Variants in MFSD1 observed in about 807,000 individuals in gnomAD.
MFSD1 encodes the protein major facilitator superfamily domain containing 1.
A neutral mutation model predicts 67.1 loss-of-function variants in MFSD1; 59 were observed. That is an observed-to-expected ratio of 0.88 (90% confidence interval 0.71 to 1.09). The LOEUF (loss-of-function observed/expected upper bound fraction) is 1.09, where lower values mean the gene tolerates loss of function less well. MFSD1 is among the 50% of genes least tolerant of loss of function. The pLI is 0.00. For synonymous variants in MFSD1, 213 were observed against 200.3 expected, an observed-to-expected ratio of 1.06 and a Z score of -0.54; for missense variants, 552 against 566.1, an observed-to-expected ratio of 0.97 and a Z score of 0.25.
chr3:158,820,771 T>C (rs1277873261), intron 9 of MFSD1, among the ~76,000 whole-genome samples: 1 of 152,108 alleles, frequency 6.6e-6, no homozygotes, highest in Non-Finnish European at 1.5e-5. Flanking sequence ...TCGTGAGAAC[T>C]CACTCACTAT....
At position 158,810,082 on chromosome 3, in the gene MFSD1, C is replaced by T. The variant is rs75498576; in HGVS notation, c.549+795C>T. Reference sequence around the variant, plus strand: ...CTTTGTTGCCCAAGCTGGAGTCCAGCAGTGCAATCTTGGCTCATGGTAGCC... The same window carrying T: ...CTTTGTTGCCCAAGCTGGAGTCCAGTAGTGCAATCTTGGCTCATGGTAGCC... On this transcript the variant is annotated intron_variant, in intron 6 of 15. Transcript: ENST00000415822. Among the ~76,000 whole-genome samples the T allele has an allele frequency of 9.2e-3, 1,401 of 152,286 alleles. 36 individuals carry two copies. Among genetic ancestry groups the T allele is most frequent in the African/African-American group, 0.032 (1,333 of 41,548 alleles).
intron 7 of MFSD1, among the ~76,000 whole-genome samples, chr3:158,815,181 C>T (rs913075225): frequency 3.9e-5 from 6 of 152,102 alleles, no homozygotes; most frequent in Admixed American, 1.3e-4. Flanking sequence ...TGACTTTTTC[C>T]GTCAGTGTGC....
At position 158,820,259 on chromosome 3, in the gene MFSD1, C is replaced by T. The variant is rs781642086; in HGVS notation, c.796C>T (p.Leu266=). 2 of 1,611,994 alleles carry T rather than the reference C, an allele frequency of 1.2e-6. No individual in the cohort carries two copies. Among genetic ancestry groups the T allele is most frequent in the Non-Finnish European group, 1.7e-6 (2 of 1,178,424 alleles). ...TGATGTAAAGGACTTCTCCTTACCC[C>T]TGTGGCTTATATTTATCATCTGTGT... The part of the protein sequence containing the change: ...LTDVKDFSLP[L]WLIFIICVCY... The change falls in exon 9 of 16, where the codon CTG becomes TTG. Residue 266 remains leucine, a synonymous_variant. Coordinates refer to ENST00000415822, the MANE Select transcript of MFSD1 (RefSeq NM_022736.4).
intron 15 of MFSD1, among the ~76,000 whole-genome samples, chr3:158,827,656 T>C (rs1731054231): frequency 6.6e-6 from 1 of 152,040 alleles, no homozygotes; most frequent in Admixed American, 6.6e-5. Context: ...GCTCAAGTGA[T>C]CTGCCTGCAT....
chr3:158,823,466 A>G lies in MFSD1; in HGVS notation c.1116A>G (p.Ala372=), dbSNP rs1404663871. 7.4e-6 allele frequency: 12 copies of G among 1,613,870 alleles called. No individual in the cohort carries two copies. The highest frequency in any genetic ancestry group is 9.3e-6 in the Non-Finnish European group (11 of 1,179,788). ...LGLSYSLLAC[A]LWPMVAFVVP... ...TCTCCTACTCATTGCTTGCCTGTGC[A>G]TTGTGGCCAATGGTGGCATTTGTAG... The change falls in exon 12 of 16, where the codon GCA becomes GCG. Residue 372 remains alanine, a synonymous_variant. Transcript: ENST00000415822.
rs754655058 is a variant in MFSD1, at chr3:158,807,020, A to G, written c.330-20A>G. ...TTTTCTTTTTCTTTTTCTCATTCTC[A>G]TTCTTTCTTTCCCAAACAGATGGGG... On this transcript the variant is annotated intron_variant, in intron 3 of 15. Coordinates refer to ENST00000415822, the MANE Select transcript of MFSD1 (RefSeq NM_022736.4). 2 of 1,598,566 alleles carry G rather than the reference A, an allele frequency of 1.3e-6. No homozygotes were observed. Among genetic ancestry groups the G allele is most frequent in the Admixed American group, 3.4e-5 (2 of 58,032 alleles).
chr3:158,824,960 AACAAGG>A (rs1730886651), intron 13 of MFSD1, among the ~76,000 whole-genome samples: 1 of 152,182 alleles, frequency 6.6e-6, no homozygotes, highest in African/African-American at 2.4e-5. Context: ...TTGTTTTAGA[AACAAGG>A]ACGTCAAGTT....
chr3:158,804,363 G>A lies in MFSD1; in HGVS notation c.208G>A (p.Val70Ile), dbSNP rs780620261. The stretch of plus-strand genomic sequence containing the variant: ...TAATCCTGCTGCCCTTCAGACTCAA[G>A]TTAAACGAGTAAGTTGATTTTTCAC... ...YDNPAALQTQ[V>I]KRDMQVNTTK... is the part of the protein sequence containing the mutation. Residue 70 changes from valine (V) to isoleucine (I), a missense_variant, in exon 2 of 16, where the codon GTT becomes ATT. By Grantham distance (29) the Val-to-Ile change is conservative (BLOSUM62 3). Coordinates refer to ENST00000415822, the MANE Select transcript of MFSD1 (RefSeq NM_022736.4). 3 of 1,610,480 alleles carry A rather than the reference G, an allele frequency of 1.9e-6. No homozygotes were observed. The highest frequency in any genetic ancestry group is 4.5e-5 in the East Asian group (2 of 44,820).
In MFSD1 at chr3:158,802,311, C is replaced by G; in HGVS notation, c.159C>G (p.Gly53=). The G allele has an allele frequency of 6.2e-6, 10 of 1,608,560 alleles. No homozygotes were observed. The highest frequency in any genetic ancestry group is 8.5e-6 in the Non-Finnish European group (10 of 1,176,632). The change falls in exon 1 of 16, where the codon GGC becomes GGG. Residue 53 remains glycine (G), a synonymous_variant. Coordinates refer to ENST00000415822, the MANE Select transcript of MFSD1 (RefSeq NM_022736.4). ...LLVLLLMCFL[G]FGSYFCYDNP... ...TGCTGTTACTGATGTGCTTCCTTGGCTTTGGTGAGCCGGCCGGGTGGGTTG... is the reference window on the plus strand; with the variant it reads ...TGCTGTTACTGATGTGCTTCCTTGGGTTTGGTGAGCCGGCCGGGTGGGTTG...
rs1559927453 is a variant in MFSD1, at chr3:158,829,563, T to C, written c.*581T>C. On this transcript the variant is annotated 3_prime_UTR_variant, in exon 16 of 16. Coordinates refer to ENST00000415822, the MANE Select transcript of MFSD1 (RefSeq NM_022736.4). The stretch of plus-strand genomic sequence containing the variant: ...AGCAATGACCCTTTTCAATTTCTTA[T>C]TTCTGTGTTACTGAGGACCCTAATC... The C allele has an allele frequency of 6.6e-6, 1 of 152,236 alleles. No individual in the cohort carries two copies. Among genetic ancestry groups the C allele is most frequent in the Non-Finnish European group, 1.5e-5 (1 of 68,036 alleles). 9.4% of individuals were successfully genotyped at this position (152,236 alleles called of 1,614,324 possible).
chr3:158,805,288 T>C, intron 2 of MFSD1, 74 bp from the exon 3 acceptor site: 1 of 1,163,298 alleles, frequency 8.6e-7, no homozygotes, highest in Non-Finnish European at 1.3e-6. Context: ...CCACTTTAGA[T>C]TGTCATATTT....
chr3:158,805,328 T>G (rs1383953977), intron 2 of MFSD1, 34 bp from the exon 3 acceptor site: 1 of 1,519,166 alleles, frequency 6.6e-7, no homozygotes, highest in Non-Finnish European at 9.1e-7. Flanking sequence ...CTTAACTGTT[T>G]GGAAAAAAAT....
chr3:158,823,437 G>A lies in MFSD1; in HGVS notation c.1087G>A (p.Gly363Arg), dbSNP rs1730778815. 3 of 1,612,048 alleles carry A rather than the reference G, an allele frequency of 1.9e-6. No individual in the cohort carries two copies. Among genetic ancestry groups the A allele is most frequent in the Non-Finnish European group, 2.5e-6 (3 of 1,178,356 alleles). Reference sequence around the variant, plus strand: ...GCGTTGCTTTCTGTAGTGTCTTCTGGGACTCTCCTACTCATTGCTTGCCTG... The same window carrying A: ...GCGTTGCTTTCTGTAGTGTCTTCTGAGACTCTCCTACTCATTGCTTGCCTG... ...WNPWIAMCLL[G>R]LSYSLLACAL... Residue 363 changes from glycine to arginine, a missense_variant, in exon 12 of 16, where the codon GGA becomes AGA. Coordinates refer to ENST00000415822, the MANE Select transcript of MFSD1 (RefSeq NM_022736.4).
At chr3:158,822,178 C>T in intron 11 of MFSD1, 38 bp downstream of exon 11, 2 of 1,567,806 alleles carry the variant, frequency 1.3e-6, no homozygotes, top group Non-Finnish European at 1.7e-6. Flanking sequence ...GTCAGGGCTT[C>T]AGCAAGGAGT....
chr3:158,827,136 C>T, intron 14 of MFSD1, 144 bp from the exon 15 acceptor site: 1 of 529,916 alleles, frequency 1.9e-6, no homozygotes, highest in Non-Finnish European at 3.3e-6. Flanking sequence ...GTAGATAAAC[C>T]ATTACTTTTT....
At chr3:158,818,252 A>T (rs1730481144) in intron 7 of MFSD1, among the ~76,000 whole-genome samples, 1 of 152,156 alleles carries the variant, frequency 6.6e-6, no homozygotes. Flanking sequence ...ATACATATTT[A>T]TGGGTACAAT....
intron 7 of MFSD1, among the ~76,000 whole-genome samples, chr3:158,816,212 C>T (rs1456665315): frequency 6.6e-6 from 1 of 152,062 alleles, no homozygotes; most frequent in Non-Finnish European, 1.5e-5. Flanking sequence ...AGTTCTAGAT[C>T]CCTGAGGAAT....
Position 158,819,647 on chromosome 3 carries a change from AG to A in MFSD1, c.656del. Reference sequence around the variant, plus strand: ...TTTTCTTTTTTTTTTTTTTTTATTTAGGGGGTATAACGTGTATTCTTTCACT... The same window carrying A: ...TTTTCTTTTTTTTTTTTTTTTATTTAGGGGTATAACGTGTATTCTTTCACT... On this transcript the variant is annotated splice_acceptor_variant, in intron 7 of 15. Coordinates refer to ENST00000415822, the MANE Select transcript of MFSD1 (RefSeq NM_022736.4). LOFTEE classifies it high-confidence loss of function. 7.3e-7 allele frequency: 1 copy of A among 1,375,412 alleles called. No individual in the cohort carries two copies. Among genetic ancestry groups the A allele is most frequent in the Non-Finnish European group, 9.9e-7 (1 of 1,011,080 alleles). 85.2% of individuals were successfully genotyped at this position (1,375,412 alleles called of 1,614,324 possible). A position where few individuals can be genotyped will look rare whatever the true frequency, so the allele number is the denominator to read the frequency against.
chr3:158,819,674 A>G lies in MFSD1; in HGVS notation c.678A>G (p.Leu226=). 6.3e-7 allele frequency: 1 copy of G among 1,599,848 alleles called. No homozygotes were observed. Residue 226 remains leucine, a synonymous_variant, in exon 8 of 16, where the codon CTA becomes CTG. Transcript: ENST00000415822. ...GGGGTATAACGTGTATTCTTTCACT[A>G]ATCTGTGCCTTGGCTCTTGCCTACT... ...MIGGITCILS[L]ICALALAYLD...
Sources: gnomAD v4.1 joint callset for allele counts (sites outside exome capture counted in the v4.1 genomes callset) on GRCh38, gnomAD v4.1.1 for gene constraint, MANE v1.5 for transcripts, NCBI Gene and HGNC (gene_info 2026-07-23, HGNC 2026-07-21) for gene names.